The following EXT1 variants were observed in gnomAD, a reference collection of about 807,000 sequenced individuals.
EXT1 encodes the protein exostosin glycosyltransferase 1.
Under a neutral mutation model 82.5 loss-of-function variants are expected in EXT1, and 20 were observed. The observed-to-expected ratio is 0.24, with a 90% CI of 0.17 to 0.35. The LOEUF is 0.35. Ranked by LOEUF, EXT1 falls within the 10% of genes least tolerant of loss-of-function variation. The pLI is 1.00. For synonymous variants in EXT1, 348 were observed against 350.8 expected, an observed-to-expected ratio of 0.99 and a Z score of 0.09; for missense variants, 757 against 936.5, an observed-to-expected ratio of 0.81 and a Z score of 2.50.
intron 1 of EXT1, among the ~76,000 whole-genome samples, chr8:118,022,760 C>T (rs373239244): frequency 1.2e-3 from 180 of 152,064 alleles, no homozygotes; most frequent in African/African-American, 4.3e-3. Flanking sequence ...TATTATTTTT[C>T]TGGAATGCAA....
intron 1 of EXT1, among the ~76,000 whole-genome samples, chr8:118,034,385 C>T (rs551931396): frequency 1.3e-5 from 2 of 152,236 alleles, no homozygotes; most frequent in South Asian, 4.1e-4. Flanking sequence ...CTTCCAGCCA[C>T]CTTAAGACAA....
chr8:117,895,792 C>T (rs1255859494), intron 1 of EXT1, among the ~76,000 whole-genome samples: 1 of 152,208 alleles, frequency 6.6e-6, no homozygotes, highest in Non-Finnish European at 1.5e-5. Flanking sequence ...GCTGGAAACA[C>T]TAATCATGTC....
chr8:117,799,684 C>T lies in EXT1; in HGVS notation c.*28G>A, dbSNP rs570848707. The T allele has an allele frequency of 1.2e-6, 2 of 1,613,452 alleles. No homozygotes were observed. Among genetic ancestry groups the T allele is most frequent in the East Asian group, 2.2e-5 (1 of 44,842 alleles). The stretch of plus-strand genomic sequence containing the variant: ...GCAGCTTGACCCCCATCCCTTCTTG[C>T]TTCCCCTCCCCCACTCAGCCGGATT... On this transcript the variant is annotated 3_prime_UTR_variant, in exon 11 of 11. Coordinates refer to ENST00000378204, the MANE Select transcript of EXT1 (RefSeq NM_000127.3).
chr8:117,892,040 C>T (rs917890961), intron 1 of EXT1, among the ~76,000 whole-genome samples: 8 of 151,942 alleles, frequency 5.3e-5, no homozygotes, highest in African/African-American at 9.7e-5. Flanking sequence ...CTCCTGACCT[C>T]GTGATCCACC....
At chr8:118,069,841 G>A (rs1817055874) in intron 1 of EXT1, among the ~76,000 whole-genome samples, 1 of 152,028 alleles carries the variant, frequency 6.6e-6, no homozygotes, top group South Asian at 2.1e-4. Flanking sequence ...ATAATACAGT[G>A]ATCTTTTCAT....
chr8:117,979,382 A>AAAAC (rs1815137380), intron 1 of EXT1, among the ~76,000 whole-genome samples: 1 of 151,276 alleles, frequency 6.6e-6, no homozygotes, highest in African/African-American at 2.4e-5. Context: ...AAACAAACAA[A>AAAAC]AAAACAAAAC....
At chr8:117,987,524 A>G (rs1461178705) in intron 1 of EXT1, among the ~76,000 whole-genome samples, 1 of 152,232 alleles carries the variant, frequency 6.6e-6, no homozygotes, top group Non-Finnish European at 1.5e-5. Context: ...TTACGAGAAG[A>G]GCATGGCTGC....
In EXT1 at chr8:118,003,257, G is replaced by C. The variant is rs73325907; in HGVS notation, c.962+106828C>G. ...GGACTTTGGGGACTCAGAGGAAAGAGTGGGAGAGGGATGAGGAATAAAAGA... is the reference window on the plus strand; with the variant it reads ...GGACTTTGGGGACTCAGAGGAAAGACTGGGAGAGGGATGAGGAATAAAAGA... On this transcript the variant is annotated intron_variant, in intron 1 of 10. Coordinates refer to ENST00000378204, the MANE Select transcript of EXT1 (RefSeq NM_000127.3). 6.3e-3 allele frequency among the ~76,000 whole-genome samples: 954 copies of C among 152,254 alleles called. 13 individuals carry two copies. Among genetic ancestry groups the C allele is most frequent in the African/African-American group, 0.022 (917 of 41,538 alleles).
intron 1 of EXT1, among the ~76,000 whole-genome samples, chr8:118,008,293 C>G (rs1251782910): frequency 1.3e-5 from 2 of 150,622 alleles, no homozygotes; most frequent in Non-Finnish European, 2.9e-5. Flanking sequence ...GAGTTTTGCT[C>G]TTGTTGCCCA....
intron 1 of EXT1, among the ~76,000 whole-genome samples, chr8:117,843,646 G>A (rs1812307459): frequency 6.6e-6 from 1 of 152,168 alleles, no homozygotes; most frequent in Non-Finnish European, 1.5e-5. Flanking sequence ...AGAGCTCAGA[G>A]ATGATCCCTT....
intron 1 of EXT1, among the ~76,000 whole-genome samples, chr8:118,069,216 T>C (rs1817043226): frequency 6.6e-6 from 1 of 152,246 alleles, no homozygotes; most frequent in African/African-American, 2.4e-5. Context: ...ATCAGTATCC[T>C]GTAGCAGAGG....
chr8:117,884,864 G>A (rs1563590598), intron 1 of EXT1, among the ~76,000 whole-genome samples: 1 of 152,212 alleles, frequency 6.6e-6, no homozygotes, highest in Non-Finnish European at 1.5e-5. Flanking sequence ...TTCTGTAGCA[G>A]CAACCTGGCT....
At chr8:117,940,794 C>A (rs971542838) in intron 1 of EXT1, among the ~76,000 whole-genome samples, 1 of 152,150 alleles carries the variant, frequency 6.6e-6, no homozygotes, top group Non-Finnish European at 1.5e-5. Context: ...CCTGTGGGTA[C>A]AATGGAAGCT....
At chr8:118,077,763 C>G (rs1350974189) in intron 1 of EXT1, among the ~76,000 whole-genome samples, 1 of 152,166 alleles carries the variant, frequency 6.6e-6, no homozygotes, top group African/African-American at 2.4e-5. Flanking sequence ...CCTTTTCTAC[C>G]TAGTATTCCT....
chr8:118,091,979 G>A (rs899176931), intron 1 of EXT1, among the ~76,000 whole-genome samples: 2 of 152,142 alleles, frequency 1.3e-5, no homozygotes, highest in African/African-American at 4.8e-5. Context: ...TGGGTTAAGT[G>A]CTGGGAAACA....
intron 1 of EXT1, among the ~76,000 whole-genome samples, chr8:118,013,677 G>T (rs1201823511): frequency 2.0e-5 from 3 of 152,164 alleles, no homozygotes; most frequent in Non-Finnish European, 4.4e-5. Flanking sequence ...CACATACAGG[G>T]TTGCTTGATT....
chr8:118,017,816 A>G (rs1016427220), intron 1 of EXT1, among the ~76,000 whole-genome samples: 3 of 152,198 alleles, frequency 2.0e-5, no homozygotes, highest in African/African-American at 4.8e-5. Flanking sequence ...GCACACGATC[A>G]TGTACACACA....
intron 1 of EXT1, among the ~76,000 whole-genome samples, chr8:118,069,881 C>T (rs1286000033): frequency 1.3e-5 from 2 of 152,124 alleles, no homozygotes; most frequent in Non-Finnish European, 2.9e-5. Flanking sequence ...GGCCACTGAT[C>T]CAGGCCATAA....
intron 1 of EXT1, among the ~76,000 whole-genome samples, chr8:117,955,643 C>T (rs1322844258): frequency 6.6e-6 from 1 of 152,156 alleles, no homozygotes; most frequent in Non-Finnish European, 1.5e-5. Context: ...GCAACCTCCA[C>T]CTCCCGGGTT....
Sources: gnomAD v4.1 joint callset for allele counts (sites outside exome capture counted in the v4.1 genomes callset) on GRCh38, gnomAD v4.1.1 for gene constraint, MANE v1.5 for transcripts, NCBI Gene and HGNC (gene_info 2026-07-23, HGNC 2026-07-21) for gene names.